MECOM: variants seen among roughly 807,000 people sequenced by gnomAD.
The protein encoded by MECOM is MDS1 and EVI1 complex locus.
Under a neutral mutation model 116.3 loss-of-function variants are expected in MECOM, and 13 were observed. The ratio of observed to expected loss-of-function variants is 0.11; its 90% confidence interval spans 0.07 to 0.18. The LOEUF (loss-of-function observed/expected upper bound fraction) is 0.18. Among genes scored for constraint, MECOM ranks in the 10% least tolerant of loss-of-function variants. The pLI is 1.00. For missense variants in MECOM, 1,299 were observed against 1,509.0 expected (o/e 0.86, Z 2.31); for synonymous variants, 528 against 535.2 (o/e 0.99, Z 0.19).
Position 169,166,084 on chromosome 3 carries a change from C to T in MECOM, c.376-22252G>A, listed in dbSNP as rs556376012. On this transcript the variant is annotated intron_variant, in intron 2 of 16. Transcript: ENST00000651503. Reference sequence around the variant, plus strand: ...TCTCTTTTTAATTCCTGTTCTTTCACTTGTTCATCTTAATAGCTTCCCATT... The same window carrying T: ...TCTCTTTTTAATTCCTGTTCTTTCATTTGTTCATCTTAATAGCTTCCCATT... Among the ~76,000 whole-genome samples the T allele has an allele frequency of 3.9e-5, 6 of 152,266 alleles. No homozygotes were observed. In the East Asian group the frequency reaches 1.2e-3, roughly 29 times the overall value.
At chr3:169,599,189 G>A (rs972335093) in intron 1 of MECOM, among the ~76,000 whole-genome samples, 2 of 152,084 alleles carry the variant, frequency 1.3e-5, no homozygotes, top group African/African-American at 2.4e-5. Context: ...AACCCTATAC[G>A]CATTAACGTG....
At position 169,663,476 on chromosome 3, in the gene MECOM, CT is replaced by C. The variant is rs1292761325; in HGVS notation, c.-105del. Reference sequence around the variant, plus strand: ...CTCGCTCCCTCCCTCTCTCTCCTGTCTCTCTCTCTCTCTCTCTCTCTCTCTC... The same window carrying C: ...CTCGCTCCCTCCCTCTCTCTCCTGTCCTCTCTCTCTCTCTCTCTCTCTCTC... On this transcript the variant is annotated 5_prime_UTR_variant, in exon 1 of 17. Transcript: ENST00000651503. The C allele has an allele frequency of 5.2e-4, 5 of 9,658 alleles. No homozygotes were observed. Among genetic ancestry groups the C allele is most frequent in the Non-Finnish European group, 2.3e-4 (1 of 4,356 alleles). 0.6% of individuals were successfully genotyped at this position (9,658 alleles called of 1,614,324 possible).
intron 1 of MECOM, among the ~76,000 whole-genome samples, chr3:169,605,616 G>A (rs1026434950): frequency 5.3e-5 from 8 of 152,204 alleles, no homozygotes; most frequent in African/African-American, 1.9e-4. Context: ...GGAGGTGATG[G>A]TGAAGGAAGA....
chr3:169,298,972 C>T (rs1716163388), intron 2 of MECOM, among the ~76,000 whole-genome samples: 1 of 152,082 alleles, frequency 6.6e-6, no homozygotes, highest in Admixed American at 6.6e-5. Context: ...CCAGATACCA[C>T]CATGGATATA....
intron 2 of MECOM, among the ~76,000 whole-genome samples, chr3:169,365,256 G>A (rs1728976219): frequency 6.6e-6 from 1 of 152,006 alleles, no homozygotes; most frequent in Non-Finnish European, 1.5e-5. Flanking sequence ...GCTAAAGACG[G>A]ATATGAAATA....
chr3:169,435,484 G>A (rs1742480426), intron 1 of MECOM, among the ~76,000 whole-genome samples: 1 of 152,120 alleles, frequency 6.6e-6, no homozygotes, highest in Non-Finnish European at 1.5e-5. Flanking sequence ...GGAGCCTGGG[G>A]ACCCAAAGGG....
Position 169,131,443 on chromosome 3 carries a change from G to A in MECOM, c.599C>T (p.Ala200Val), listed in dbSNP as rs1363814447. ...KSEDYPHETMAPDIHEERQYR... is the reference protein window; with the variant it reads ...KSEDYPHETMVPDIHEERQYR... ...GTGGTACTAACCGTGGATATCCGGC[G>A]CCATAGTTTCATGGGGATAGTCTTC... Residue 200 changes from alanine (A) to valine (V), a missense_variant, in exon 4 of 17, where the codon GCG (alanine) becomes GTG (valine). Around this residue, in one of 6 missense-constraint regions of MECOM, gnomAD observed 374 missense variants for 433.4 expected, o/e 0.86. Transcript: ENST00000651503. 1 of 1,613,804 alleles carries A rather than the reference G, an allele frequency of 6.2e-7. No homozygotes were observed. Among genetic ancestry groups the A allele is most frequent in the Non-Finnish European group, 8.5e-7 (1 of 1,179,930 alleles).
intron 1 of MECOM, among the ~76,000 whole-genome samples, chr3:169,551,743 A>T (rs1308238019): frequency 6.6e-6 from 1 of 152,236 alleles, no homozygotes; most frequent in Admixed American, 6.5e-5. Context: ...TGCCCACATA[A>T]AACTTGTTCA....
chr3:169,117,369 A>G (rs1289611314), intron 7 of MECOM, among the ~76,000 whole-genome samples: 2 of 152,180 alleles, frequency 1.3e-5, no homozygotes, highest in Admixed American at 6.5e-5. Context: ...AATCATTTTC[A>G]TGATTTGAGA....
At chr3:169,234,464 A>T (rs561603415) in intron 2 of MECOM, among the ~76,000 whole-genome samples, 16 of 152,210 alleles carry the variant, frequency 1.1e-4, no homozygotes, top group East Asian at 7.7e-4. Context: ...AAAGCAATTT[A>T]AAAAAAGGGA....
intron 2 of MECOM, among the ~76,000 whole-genome samples, chr3:169,300,487 G>A (rs1051636299): frequency 5.3e-5 from 8 of 152,088 alleles, no homozygotes; most frequent in Admixed American, 4.6e-4. Flanking sequence ...AGTTATAATT[G>A]TTCAAATGTT....
chr3:169,318,508 T>C (rs1445683167), intron 2 of MECOM, among the ~76,000 whole-genome samples: 1 of 152,092 alleles, frequency 6.6e-6, no homozygotes, highest in Non-Finnish European at 1.5e-5. Flanking sequence ...CCAACAAATA[T>C]ATTAAAAGAA....
chr3:169,604,962 A>T (rs1423833100), intron 1 of MECOM, among the ~76,000 whole-genome samples: 2 of 152,214 alleles, frequency 1.3e-5, no homozygotes, highest in African/African-American at 4.8e-5. Context: ...GAATGAAATT[A>T]GTATCTCTTT....
intron 2 of MECOM, among the ~76,000 whole-genome samples, chr3:169,208,474 G>A (rs948886076): frequency 6.6e-6 from 1 of 151,754 alleles, no homozygotes; most frequent in Non-Finnish European, 1.5e-5. Flanking sequence ...TACTAGTAAA[G>A]GAAAGACACA....
At chr3:169,522,464 G>T (rs1359166143) in intron 1 of MECOM, among the ~76,000 whole-genome samples, 1 of 152,074 alleles carries the variant, frequency 6.6e-6, no homozygotes, top group Non-Finnish European at 1.5e-5. Context: ...GCATCCTTCT[G>T]CCTTGGTTCA....
intron 2 of MECOM, among the ~76,000 whole-genome samples, chr3:169,312,236 G>A (rs35110271): frequency 0.11 from 16,634 of 152,186 alleles, 2,184 homozygotes; most frequent in African/African-American, 0.31. Context: ...AGATGATGGT[G>A]ATGTTGACCA....
intron 2 of MECOM, among the ~76,000 whole-genome samples, chr3:169,246,741 G>T (rs983038714): frequency 2.0e-5 from 3 of 151,888 alleles, no homozygotes; most frequent in African/African-American, 7.3e-5. Flanking sequence ...AGGCTGGTCT[G>T]GAACTCCTGA....
Position 169,578,349 on chromosome 3 carries a change from A to AT in MECOM, c.37+84986dup, listed in dbSNP as rs1019555677. On this transcript the variant is annotated intron_variant, in intron 1 of 16. Transcript: ENST00000651503. Reference sequence around the variant, plus strand: ...TAAGGGAAATTACTATGGAGCATAAATTTTTTTTTAGAGTTTCACACCTTT... The same window carrying AT: ...TAAGGGAAATTACTATGGAGCATAAATTTTTTTTTTAGAGTTTCACACCTTT... Among the ~76,000 whole-genome samples the AT allele has an allele frequency of 2.9e-4, 44 of 151,808 alleles. 1 individual carries two copies. Among genetic ancestry groups the AT allele is most frequent in the African/African-American group, 1.1e-3 (44 of 41,434 alleles).
At chr3:169,244,852 CCA>C (rs1240513484) in intron 2 of MECOM, among the ~76,000 whole-genome samples, 1 of 152,142 alleles carries the variant, frequency 6.6e-6, no homozygotes, top group African/African-American at 2.4e-5. Context: ...GAGAAGATTG[CCA>C]CACCAAAAAT....
Sources: gnomAD v4.1 joint callset for allele counts (sites outside exome capture counted in the v4.1 genomes callset) on GRCh38, gnomAD v4.1.1 for gene constraint, gnomAD v4.1.1 regional missense constraint, MANE v1.5 for transcripts, NCBI Gene and HGNC (gene_info 2026-07-23, HGNC 2026-07-21) for gene names.